SUMF1: variants seen among roughly 807,000 people sequenced by gnomAD.
SUMF1 encodes sulfatase modifying factor 1, also known as formylglycine-generating enzyme.
Under a neutral mutation model 47.6 loss-of-function variants are expected in SUMF1, and 48 were observed. The observed-to-expected ratio is 1.01, with a 90% CI of 0.80 to 1.28. SUMF1 has a LOEUF of 1.28. Among genes scored for constraint, SUMF1 ranks in the 50% most tolerant of loss-of-function variants. SUMF1 has a pLI of 0.00. For synonymous variants in SUMF1, 230 were observed against 192.1 expected (o/e 1.20, Z -1.63); for missense variants, 571 against 485.4 (o/e 1.18, Z -1.66).
At chr3:4,208,336 A>T (rs938235761) in intron 8 of SUMF1, among the ~76,000 whole-genome samples, 2 of 152,014 alleles carry the variant, frequency 1.3e-5, no homozygotes, top group Non-Finnish European at 2.9e-5. Flanking sequence ...ACTGAAACCT[A>T]CTCATAGGAC....
At chr3:4,034,847 C>G (rs536987784) in intron 9 of SUMF1, among the ~76,000 whole-genome samples, 1 of 152,054 alleles carries the variant, frequency 6.6e-6, no homozygotes, top group Non-Finnish European at 1.5e-5. Flanking sequence ...AGCCAGGGCT[C>G]TCCCTCCAGG....
intron 8 of SUMF1, among the ~76,000 whole-genome samples, chr3:4,234,561 T>G (rs909663070): frequency 1.1e-4 from 17 of 152,168 alleles, no homozygotes; most frequent in African/African-American, 4.1e-4. Flanking sequence ...TATACAGAAC[T>G]CACAGCCTAG....
intron 8 of SUMF1, among the ~76,000 whole-genome samples, chr3:4,236,176 T>A (rs1211867626): frequency 6.6e-6 from 1 of 152,078 alleles, no homozygotes; most frequent in Admixed American, 6.6e-5. Context: ...GCTAAAGTGA[T>A]CCTTCCACCT....
chr3:4,427,480 A>G (rs1702104357), intron 3 of SUMF1, among the ~76,000 whole-genome samples: 1 of 152,228 alleles, frequency 6.6e-6, no homozygotes, highest in African/African-American at 2.4e-5. Flanking sequence ...CAAGTATGGA[A>G]AGCTAAGAAT....
At chr3:4,321,096 G>C (rs1014899398) in intron 8 of SUMF1, among the ~76,000 whole-genome samples, 3 of 152,128 alleles carry the variant, frequency 2.0e-5, no homozygotes, top group African/African-American at 7.2e-5. Flanking sequence ...CTCACTGTTG[G>C]ATTGGGAATT....
chr3:4,342,636 C>T (rs1699295095), intron 8 of SUMF1, among the ~76,000 whole-genome samples: 1 of 152,318 alleles, frequency 6.6e-6, no homozygotes, highest in Non-Finnish European at 1.5e-5. Context: ...ACTTCAGTTA[C>T]AGAATTCCAC....
At chr3:4,172,744 T>C (rs1694861637) in intron 8 of SUMF1, among the ~76,000 whole-genome samples, 2 of 152,176 alleles carry the variant, frequency 1.3e-5, no homozygotes, top group Non-Finnish European at 2.9e-5. Context: ...AACTTCCTTA[T>C]AGATTCCGGA....
chr3:4,105,520 C>T (rs1693137776), intron 8 of SUMF1, among the ~76,000 whole-genome samples: 1 of 151,962 alleles, frequency 6.6e-6, no homozygotes, highest in African/African-American at 2.4e-5. Context: ...GAATGAAATA[C>T]TGAAAAGAGG....
In SUMF1 at chr3:4,467,268, C is replaced by G. The variant is rs562518771; in HGVS notation, c.-23G>C. The G allele has an allele frequency of 1.9e-6, 3 of 1,601,978 alleles. No homozygotes were observed. Among genetic ancestry groups the G allele is most frequent in the East Asian group, 2.3e-5 (1 of 44,196 alleles). On this transcript the variant is annotated 5_prime_UTR_variant, in exon 1 of 9. Transcript: ENST00000272902. ...CATGTTGTCCCGCGGGCCATGTGAC[C>G]CGGTTGGTCACGTGGCTGAGCCCTC...
At chr3:4,368,716 A>G (rs1164383146) in intron 8 of SUMF1, among the ~76,000 whole-genome samples, 1 of 152,176 alleles carries the variant, frequency 6.6e-6, no homozygotes, top group Non-Finnish European at 1.5e-5. Context: ...ACACTTGCAT[A>G]AACATAAGAG....
intron 8 of SUMF1, among the ~76,000 whole-genome samples, chr3:4,344,836 T>C (rs370261157): frequency 9.9e-5 from 15 of 152,190 alleles, no homozygotes; most frequent in South Asian, 4.1e-4. Flanking sequence ...GAGAGGAACA[T>C]AAACAACTTG....
At chr3:4,395,867 A>G (rs1701023640) in intron 7 of SUMF1, among the ~76,000 whole-genome samples, 1 of 152,240 alleles carries the variant, frequency 6.6e-6, no homozygotes, top group Non-Finnish European at 1.5e-5. Context: ...CTACTTGTAA[A>G]ATAAATAGCA....
chr3:4,419,978 G>C (rs1282100678), intron 4 of SUMF1, 86 bp downstream of exon 4: 1 of 1,008,078 alleles, frequency 9.9e-7, no homozygotes, highest in Non-Finnish European at 1.6e-6. Flanking sequence ...TATAGATGAA[G>C]ATGCCCACTG....
chr3:4,269,695 G>A (rs921000495), intron 8 of SUMF1, among the ~76,000 whole-genome samples: 2 of 152,148 alleles, frequency 1.3e-5, no homozygotes, highest in African/African-American at 4.8e-5. Context: ...ACAGTCCAAA[G>A]GCAAGACAGG....
At chr3:4,228,947 G>T (rs926038583) in intron 8 of SUMF1, among the ~76,000 whole-genome samples, 6 of 152,082 alleles carry the variant, frequency 3.9e-5, no homozygotes, top group African/African-American at 1.2e-4. Context: ...AACTAAGGGT[G>T]GCTAGAAGGT....
chr3:4,316,583 G>A, intron 8 of SUMF1: 3 of 1,551,818 alleles, frequency 1.9e-6, no homozygotes, highest in Non-Finnish European at 2.6e-6. Flanking sequence ...CTCATGAGCT[G>A]ACTGAAAATC....
rs145797458 is a variant in SUMF1, at chr3:4,150,637, A to T, written c.1015-81892T>A. ...TGGGCTCAAGTAATTCTACCACTTC[A>T]TCCTCCTAAAGTGCTGTAATTATAG... On this transcript the variant is annotated intron_variant and NMD_transcript_variant, in intron 8 of 12. Transcript: ENST00000448413. 1.8e-4 allele frequency among the ~76,000 whole-genome samples: 27 copies of T among 151,530 alleles called. 1 individual carries two copies. Among genetic ancestry groups the T allele is most frequent in the African/African-American group, 6.6e-4 (27 of 40,930 alleles).
chr3:4,353,279 A>T (rs185347539), intron 8 of SUMF1, among the ~76,000 whole-genome samples: 1 of 152,094 alleles, frequency 6.6e-6, no homozygotes, highest in Non-Finnish European at 1.5e-5. Flanking sequence ...TTGAGACGGA[A>T]TCTCACTCTG....
intron 8 of SUMF1, among the ~76,000 whole-genome samples, chr3:4,136,237 T>C (rs1693926612): frequency 6.6e-6 from 1 of 152,120 alleles, no homozygotes; most frequent in Admixed American, 6.6e-5. Flanking sequence ...ACTACAAGGC[T>C]ACAGTAACCA....
Sources: allele counts gnomAD v4.1 joint callset (sites outside exome capture counted in the v4.1 genomes callset), GRCh38; gene constraint gnomAD v4.1.1; transcripts MANE v1.5; gene names NCBI Gene and HGNC (gene_info 2026-07-23, HGNC 2026-07-21).